The following SLC8A1 variants were observed in gnomAD, a reference collection of about 807,000 sequenced individuals.
The protein encoded by SLC8A1 is solute carrier family 8 member A1, also known as sodium/calcium exchanger 1.
A neutral mutation model predicts 68.3 loss-of-function variants in SLC8A1; 18 were observed. The observed-to-expected ratio is 0.26, with a 90% CI of 0.18 to 0.39. The LOEUF is 0.39. SLC8A1 is among the 10% of genes least tolerant of loss of function. The pLI is 1.00. For synonymous variants in SLC8A1, 475 were observed against 415.5 expected (o/e 1.14, Z -1.74); for missense variants, 985 against 1,156.7 (o/e 0.85, Z 2.15).
At chr2:40,275,584 G>A (rs763132616) in intron 2 of SLC8A1, among the ~76,000 whole-genome samples, 6 of 152,098 alleles carry the variant, frequency 3.9e-5, no homozygotes, top group Non-Finnish European at 7.4e-5. Flanking sequence ...GTCTGATGAT[G>A]TTTTTTTCTT....
chr2:40,378,361 TG>T (rs1430138328), intron 2 of SLC8A1, among the ~76,000 whole-genome samples: 1 of 151,976 alleles, frequency 6.6e-6, no homozygotes, highest in Non-Finnish European at 1.5e-5. Flanking sequence ...GGCAGAAGGA[TG>T]AAGAAATGCA....
chr2:40,226,180 G>A (rs908545428), intron 2 of SLC8A1, among the ~76,000 whole-genome samples: 1 of 152,082 alleles, frequency 6.6e-6, no homozygotes, highest in Non-Finnish European at 1.5e-5. Flanking sequence ...GAGCCTGCTG[G>A]GCAATGGGAA....
At chr2:40,410,727 T>TC (rs1475527136) in intron 2 of SLC8A1, among the ~76,000 whole-genome samples, 3 of 152,132 alleles carry the variant, frequency 2.0e-5, no homozygotes, top group Non-Finnish European at 2.9e-5. Context: ...ATCTTCCCAC[T>TC]CTGTGAGCTC....
chr2:40,315,200 G>A (rs2074270489), intron 2 of SLC8A1, among the ~76,000 whole-genome samples: 1 of 151,984 alleles, frequency 6.6e-6, no homozygotes, highest in East Asian at 1.9e-4. Context: ...TAACATCAGG[G>A]ACAGATGTTG....
At chr2:40,435,525 G>C (rs1016862498) in intron 1 of SLC8A1, among the ~76,000 whole-genome samples, 5 of 152,108 alleles carry the variant, frequency 3.3e-5, no homozygotes, top group African/African-American at 1.2e-4. Context: ...AAGGGGATGG[G>C]CTATGAGCGG....
At chr2:40,426,660 A>C (rs182380667) in intron 2 of SLC8A1, among the ~76,000 whole-genome samples, 2 of 152,206 alleles carry the variant, frequency 1.3e-5, no homozygotes, top group East Asian at 3.9e-4. Context: ...TTAAATTTTC[A>C]AAAGAAAATA....
intron 2 of SLC8A1, among the ~76,000 whole-genome samples, chr2:40,280,815 C>T (rs1324133917): frequency 6.6e-6 from 1 of 152,166 alleles, no homozygotes; most frequent in Non-Finnish European, 1.5e-5. Flanking sequence ...TAACAATAGC[C>T]AGGCAAAGGT....
intron 1 of SLC8A1, among the ~76,000 whole-genome samples, chr2:40,444,688 G>GA (rs933946059): frequency 1.5e-4 from 23 of 151,690 alleles, no homozygotes; most frequent in African/African-American, 3.6e-4. Flanking sequence ...AAAATTACTG[G>GA]AAAAAAAAGA....
intron 2 of SLC8A1, among the ~76,000 whole-genome samples, chr2:40,277,342 C>CT (rs1405572026): frequency 2.0e-5 from 3 of 151,982 alleles, no homozygotes; most frequent in Non-Finnish European, 4.4e-5. Context: ...GAGTTTGAGA[C>CT]CAGCCTGGCC....
exon 8 of SLC8A1, chr2:40,109,889 A>G (rs932481802): frequency 1.2e-4 from 18 of 152,198 alleles, no homozygotes; most frequent in Non-Finnish European, 2.2e-4. Context: ...TCCTGAAAAA[A>G]TATGGGTCAT....
At chr2:40,457,551 T>C (rs942313438) in intron 1 of SLC8A1, among the ~76,000 whole-genome samples, 3 of 152,216 alleles carry the variant, frequency 2.0e-5, no homozygotes, top group African/African-American at 7.2e-5. Flanking sequence ...ATGATTTTAA[T>C]GATGCTGATT....
chr2:40,450,144 C>CCCGCCTAA (rs1702167059), intron 1 of SLC8A1, among the ~76,000 whole-genome samples: 1 of 152,174 alleles, frequency 6.6e-6, no homozygotes, highest in Admixed American at 6.5e-5. Flanking sequence ...TGCTTTCACA[C>CCCGCCTAA]CCGCCTAACC....
intron 2 of SLC8A1, among the ~76,000 whole-genome samples, chr2:40,245,236 A>G (rs1168798197): frequency 6.6e-6 from 1 of 152,202 alleles, no homozygotes; most frequent in Admixed American, 6.5e-5. Flanking sequence ...GTTCATGTAC[A>G]GGTCTCTCTC....
At chr2:40,413,009 G>C (rs922271401) in intron 2 of SLC8A1, among the ~76,000 whole-genome samples, 3 of 152,068 alleles carry the variant, frequency 2.0e-5, no homozygotes, top group African/African-American at 7.2e-5. Flanking sequence ...CCATTAACTT[G>C]TCATTTAGCA....
At chr2:40,322,983 T>A (rs1204128450) in intron 2 of SLC8A1, among the ~76,000 whole-genome samples, 1 of 152,168 alleles carries the variant, frequency 6.6e-6, no homozygotes, top group Admixed American at 6.6e-5. Context: ...ATATTCCATT[T>A]CATTTTTGCT....
chr2:40,152,457 T>C (rs917074319), intron 6 of SLC8A1, among the ~76,000 whole-genome samples: 1 of 152,116 alleles, frequency 6.6e-6, no homozygotes, highest in African/African-American at 2.4e-5. Flanking sequence ...CAGGCTGGAG[T>C]GCAGTGGCAT....
At chr2:40,363,727 G>T (rs577042271) in intron 2 of SLC8A1, among the ~76,000 whole-genome samples, 1 of 151,962 alleles carries the variant, frequency 6.6e-6, no homozygotes, top group Non-Finnish European at 1.5e-5. Context: ...TAATGACATC[G>T]CCTCGCTTGG....
chr2:40,281,196 G>A (rs1026407935), intron 2 of SLC8A1, among the ~76,000 whole-genome samples: 1 of 151,998 alleles, frequency 6.6e-6, no homozygotes, highest in African/African-American at 2.4e-5. Flanking sequence ...GCAGAAGAAA[G>A]TCTTAGCTTT....
chr2:40,193,011 A>G (rs1406480683), intron 2 of SLC8A1, among the ~76,000 whole-genome samples: 3 of 152,176 alleles, frequency 2.0e-5, no homozygotes, highest in African/African-American at 7.2e-5. Flanking sequence ...TCCCCGTGAC[A>G]GTGAGCACAG....
Sources: allele counts gnomAD v4.1 joint callset (sites outside exome capture counted in the v4.1 genomes callset), GRCh38; gene constraint gnomAD v4.1.1; transcripts MANE v1.5; gene names NCBI Gene and HGNC (gene_info 2026-07-23, HGNC 2026-07-21).